The following SLC34A1 variants were observed in gnomAD, a reference collection of about 807,000 sequenced individuals.
The protein encoded by SLC34A1 is sodium-dependent phosphate transport protein 2A.
SLC34A1 carries 57 observed loss-of-function variants against 51.4 expected under a neutral mutation model. That is an observed-to-expected ratio of 1.11 (90% CI 0.90 to 1.38). The LOEUF is 1.38. Among genes scored for constraint, SLC34A1 ranks in the 40% most tolerant of loss-of-function variants. The probability of loss-of-function intolerance (pLI) is 0.00; values close to 1 mark genes in which losing one functional copy is unlikely to be tolerated. For synonymous variants in SLC34A1, 368 were observed against 358.0 expected, an observed-to-expected ratio of 1.03 and a Z score of -0.32; for missense variants, 796 against 835.6, an observed-to-expected ratio of 0.95 and a Z score of 0.58.
intron 5 of SLC34A1, 21 bp from the exon 6 acceptor site, chr5:177,387,741 G>C (rs2127348099): frequency 1.9e-6 from 3 of 1,594,582 alleles, no homozygotes; most frequent in African/African-American, 1.3e-5. Flanking sequence ...AAATTCATTA[G>C]GACGTCTTCT....
chr5:177,384,723 G>A (rs1762498235), intron 1 of SLC34A1, among the ~76,000 whole-genome samples: 1 of 152,130 alleles, frequency 6.6e-6, no homozygotes, highest in South Asian at 2.1e-4. Context: ...TTAGCCAGGT[G>A]TGGTGGCAGG....
At chr5:177,392,603 G>C (rs1356654621) in intron 8 of SLC34A1, among the ~76,000 whole-genome samples, 3 of 152,188 alleles carry the variant, frequency 2.0e-5, no homozygotes, top group African/African-American at 7.2e-5. Flanking sequence ...AATATTTACA[G>C]ATTGGGAGTT....
rs143043388 is a variant in SLC34A1 at position 177,397,885 on chromosome 5, C to T, written c.1519C>T (p.Arg507Cys). 1.7e-5 allele frequency: 28 copies of T among 1,613,834 alleles called. No homozygotes were observed. Among genetic ancestry groups the T allele is most frequent in the African/African-American group, 9.3e-5 (7 of 74,928 alleles). ...PIRMAKALGK[R>C]TAKYRWFAVL... The stretch of plus-strand genomic sequence containing the variant: ...CCGCATGGCCAAGGCGCTGGGGAAA[C>T]GCACGGCCAAGTACCGCTGGTTTGC... Residue 507 changes from arginine (R) to cysteine (C), a missense_variant, in exon 13 of 13, where the codon CGC becomes TGC. Transcript: ENST00000324417.
chr5:177,394,063 C>A lies in SLC34A1; in HGVS notation c.1042C>A (p.Leu348Met), dbSNP rs1321225007. ...CTTTGTGGACACTGGCCTACCGGAC[C>A]TGGCTGTGGGGCTCATCCTGCTGGC... The part of the protein sequence containing the change: ...HIFVDTGLPD[L>M]AVGLILLAGS... The change falls in exon 10 of 13, where the codon CTG becomes ATG. Residue 348 changes from leucine (L) to methionine (M), a missense_variant. Coordinates refer to ENST00000324417, the MANE Select transcript of SLC34A1 (RefSeq NM_003052.5). The A allele has an allele frequency of 6.2e-7, 1 of 1,614,080 alleles. No homozygotes were observed. The highest frequency in any genetic ancestry group is 8.5e-7 in the Non-Finnish European group (1 of 1,180,036).
intron 1 of SLC34A1, among the ~76,000 whole-genome samples, chr5:177,385,025 G>A (rs1762510286): frequency 6.6e-6 from 1 of 152,204 alleles, no homozygotes; most frequent in South Asian, 2.1e-4. Context: ...GGGACAAGGG[G>A]GGGCTGAGGC....
At position 177,396,173 on chromosome 5, in the gene SLC34A1, G is replaced by C. The variant is rs1762947593; in HGVS notation, c.1175-560G>C. On this transcript the variant is annotated intron_variant, in intron 10 of 12. Coordinates refer to ENST00000324417, the MANE Select transcript of SLC34A1 (RefSeq NM_003052.5). This position sits in a 1 kb window ranked among gnomAD's most constrained non-coding sequence, Gnocchi z 4.0. ...TGGGGCTGTGGGAGCTCAGAGAAGG[G>C]AGAAAAAGTCTGCTCCAGAGCAGGG... Among the ~76,000 whole-genome samples, 2 of 152,180 alleles carry C rather than the reference G, an allele frequency of 1.3e-5. No individual in the cohort carries two copies. The highest frequency in any genetic ancestry group is 4.1e-4 in the South Asian group (2 of 4,834).
chr5:177,388,348 C>T lies in SLC34A1; in HGVS notation c.912C>T (p.Ile304=). 6.2e-7 allele frequency: 1 copy of T among 1,614,186 alleles called. No individual in the cohort carries two copies. Among genetic ancestry groups the T allele is most frequent in the Non-Finnish European group, 8.5e-7 (1 of 1,180,032 alleles). The part of the protein sequence containing the change: ...ESLRNHSLIQ[I]WCHPDSLQAP... ...TGAGGAACCACAGTCTCATCCAGAT[C>T]TGGTGCCACCCAGACTCCTTACAGG... The change falls in exon 8 of 13, where the codon ATC becomes ATT. Residue 304 remains isoleucine (I), a synonymous_variant. Coordinates refer to ENST00000324417, the MANE Select transcript of SLC34A1 (RefSeq NM_003052.5). The surrounding 1 kb of genome is among the most constrained non-coding windows in gnomAD (Gnocchi z 4.3).
In SLC34A1 at chr5:177,388,331, CA is replaced by C; in HGVS notation, c.896del (p.His299ProfsTer71). 1.9e-6 allele frequency: 3 copies of C among 1,614,180 alleles called. No individual in the cohort carries two copies. Among genetic ancestry groups the C allele is most frequent in the Non-Finnish European group, 2.5e-6 (3 of 1,180,022 alleles). ...IATGDESLRN[H>X]SLIQIWCHPD... The stretch of plus-strand genomic sequence containing the variant: ...CACTGGTGATGAGTCCCTGAGGAAC[CA>C]CAGTCTCATCCAGATCTGGTGCCAC... On this transcript the variant is annotated frameshift_variant, in exon 8 of 13. Transcript: ENST00000324417. LOFTEE classifies it high-confidence loss of function. This position sits in a 1 kb window ranked among gnomAD's most constrained non-coding sequence, Gnocchi z 4.3.
chr5:177,393,581 TCA>T (rs1479306811), intron 8 of SLC34A1, 111 bp from the exon 9 acceptor site: 1 of 982,882 alleles, frequency 1.0e-6, no homozygotes, highest in African/African-American at 1.6e-5. Context: ...CCATCCATGG[TCA>T]CAGAGCAGGA....
At chr5:177,393,184 G>A (rs888832930) in intron 8 of SLC34A1, among the ~76,000 whole-genome samples, 1 of 152,192 alleles carries the variant, frequency 6.6e-6, no homozygotes, top group African/African-American at 2.4e-5. Context: ...CAGTAGGTGG[G>A]CAGAAGAGAC....
chr5:177,387,834 T>G lies in SLC34A1; in HGVS notation c.605T>G (p.Val202Gly). Residue 202 changes from valine to glycine, a missense_variant, in exon 6 of 13, where the codon GTG (valine) becomes GGG (glycine). Coordinates refer to ENST00000324417, the MANE Select transcript of SLC34A1 (RefSeq NM_003052.5). Reference sequence around the variant, plus strand: ...GGCACCTCTGTCACCAACACCATCGTGGCCCTGATGCAGGCGGGGGACAGG... The same window carrying G: ...GGCACCTCTGTCACCAACACCATCGGGGCCCTGATGCAGGCGGGGGACAGG... ...NIGTSVTNTIVALMQAGDRTD... is the reference protein window; with the variant it reads ...NIGTSVTNTIGALMQAGDRTD... 6.7e-7 allele frequency: 1 copy of G among 1,485,258 alleles called. No homozygotes were observed. Among genetic ancestry groups the G allele is most frequent in the Non-Finnish European group, 9.0e-7 (1 of 1,107,122 alleles). The allele number at this position is 1,485,258 out of a possible 1,614,324, so 92.0% of individuals were successfully genotyped here. A position where few individuals can be genotyped will look rare whatever the true frequency, so the allele number is the denominator to read the frequency against.
chr5:177,393,941 C>T, intron 9 of SLC34A1, 87 bp from the exon 10 acceptor site: 3 of 1,573,642 alleles, frequency 1.9e-6, no homozygotes, highest in Non-Finnish European at 2.6e-6. Flanking sequence ...GAGATGGGGC[C>T]TTAGGATCAG....
At chr5:177,397,741 G>A (rs1364309118) in intron 12 of SLC34A1, 42 bp from the exon 13 acceptor site, 7 of 1,601,008 alleles carry the variant, frequency 4.4e-6, no homozygotes, top group African/African-American at 2.7e-5. Flanking sequence ...CAGGACCTGG[G>A]AGCCAGTGCC....
chr5:177,385,556 G>C, intron 1 of SLC34A1, 139 bp from the exon 2 acceptor site: 1 of 655,232 alleles, frequency 1.5e-6, no homozygotes, highest in Non-Finnish European at 2.8e-6. Flanking sequence ...GTGCGTGTGA[G>C]TCTCGGAGGG....
At chr5:177,387,138 AG>A (rs944424442) in intron 5 of SLC34A1, among the ~76,000 whole-genome samples, 19 of 151,526 alleles carry the variant, frequency 1.3e-4, no homozygotes, top group African/African-American at 3.4e-4. Context: ...TGGGAGGCTG[AG>A]GGGGGCAGAT....
At chr5:177,397,555 G>A (rs1763010306) in intron 12 of SLC34A1, 1 of 609,342 alleles carries the variant, frequency 1.6e-6, no homozygotes, top group African/African-American at 1.9e-5. Flanking sequence ...GAAAATGTGG[G>A]GAGCTCAGGG....
chr5:177,394,102 C>T lies in SLC34A1; in HGVS notation c.1081C>T (p.Leu361=). 1 of 1,614,060 alleles carries T rather than the reference C, an allele frequency of 6.2e-7. No homozygotes were observed. Among genetic ancestry groups the T allele is most frequent in the African/African-American group, 1.3e-5 (1 of 75,056 alleles). Residue 361 remains leucine (L), a synonymous_variant, in exon 10 of 13, where the codon CTG becomes TTG. Coordinates refer to ENST00000324417, the MANE Select transcript of SLC34A1 (RefSeq NM_003052.5). ...GLILLAGSLV[L]LCTCLILLVK... ...CATCCTGCTGGCAGGATCCCTGGTGCTGCTGTGCACCTGCCTCATCCTCCT... is the reference window on the plus strand; with the variant it reads ...CATCCTGCTGGCAGGATCCCTGGTGTTGCTGTGCACCTGCCTCATCCTCCT...
chr5:177,385,938 G>C, intron 2 of SLC34A1, 49 bp from the exon 3 acceptor site: 5 of 1,609,994 alleles, frequency 3.1e-6, no homozygotes, highest in Middle Eastern at 1.7e-4. Flanking sequence ...GTTCCTCCCC[G>C]CCTCCCCACT....
At position 177,386,485 on chromosome 5, in the gene SLC34A1, G is replaced by C. The variant is rs1337605712; in HGVS notation, c.451G>C (p.Val151Leu). The C allele has an allele frequency of 6.2e-7, 1 of 1,614,218 alleles. No homozygotes were observed. The highest frequency in any genetic ancestry group is 1.7e-5 in the Admixed American group (1 of 60,036). The change falls in exon 5 of 13, where the codon GTG becomes CTG. Residue 151 changes from valine to leucine, a missense_variant. Val to Leu is a conservative substitution (Grantham distance 32, BLOSUM62 1). Coordinates refer to ENST00000324417, the MANE Select transcript of SLC34A1 (RefSeq NM_003052.5). The surrounding 1 kb of genome is among the most constrained non-coding windows in gnomAD (Gnocchi z 4.8). ...AILSNPVAGL[V>L]VGILVTVLVQ... ...CCTGTCCAACCCGGTGGCCGGGCTG[G>C]TGGTGGGGATCCTGGTGACCGTGCT...
Sources: allele counts gnomAD v4.1 joint callset (sites outside exome capture counted in the v4.1 genomes callset), GRCh38; gene constraint gnomAD v4.1.1; non-coding constraint Gnocchi (gnomAD v3.1); transcripts MANE v1.5; gene names NCBI Gene and HGNC (gene_info 2026-07-23, HGNC 2026-07-21).